SPOCK3: variants seen among roughly 807,000 people sequenced by gnomAD.
The protein encoded by SPOCK3 is testican-3.
A neutral mutation model predicts 56.6 loss-of-function variants in SPOCK3; 30 were observed. That is an observed-to-expected ratio of 0.53 (90% CI 0.40 to 0.72). The LOEUF is 0.72. Ranked by LOEUF, SPOCK3 falls within the 30% of genes least tolerant of loss-of-function variation. The pLI is 0.00. For synonymous variants in SPOCK3, 196 were observed against 183.3 expected (o/e 1.07, Z -0.56); for missense variants, 527 against 530.0 (o/e 0.99, Z 0.06).
At chr4:166,956,005 A>G (rs914517073) in intron 4 of SPOCK3, among the ~76,000 whole-genome samples, 1 of 151,992 alleles carries the variant, frequency 6.6e-6, no homozygotes, top group African/African-American at 2.4e-5. Context: ...GTACATTGTC[A>G]CTAACTCCAA....
At chr4:167,025,427 A>C (rs2150170307) in intron 3 of SPOCK3, among the ~76,000 whole-genome samples, 1 of 152,236 alleles carries the variant, frequency 6.6e-6, no homozygotes, top group East Asian at 1.9e-4. Context: ...GGCCTTAAAT[A>C]AAATAACGTG....
chr4:167,113,750 G>A (rs977910953), intron 2 of SPOCK3, among the ~76,000 whole-genome samples: 4 of 151,942 alleles, frequency 2.6e-5, no homozygotes, highest in Admixed American at 6.6e-5. Flanking sequence ...AAGAGGAAGC[G>A]GCATCTGTGG....
intron 4 of SPOCK3, among the ~76,000 whole-genome samples, chr4:166,965,498 T>C (rs937395117): frequency 6.6e-6 from 1 of 151,864 alleles, no homozygotes; most frequent in African/African-American, 2.4e-5. Flanking sequence ...ACTTTAAATG[T>C]GTCGTTCTAT....
At chr4:167,056,456 GAGA>G (rs1483916012) in intron 3 of SPOCK3, among the ~76,000 whole-genome samples, 2 of 152,220 alleles carry the variant, frequency 1.3e-5, no homozygotes, top group Non-Finnish European at 2.9e-5. Flanking sequence ...GACGAGCTGA[GAGA>G]AGAAGGCTTC....
intron 2 of SPOCK3, among the ~76,000 whole-genome samples, chr4:167,203,188 T>C (rs1733686286): frequency 6.6e-6 from 1 of 152,000 alleles, no homozygotes; most frequent in African/African-American, 2.4e-5. Context: ...GTAAGGCTTA[T>C]GAGTAGTATT....
intron 6 of SPOCK3, among the ~76,000 whole-genome samples, chr4:166,879,538 A>G (rs1346113596): frequency 6.6e-6 from 1 of 152,190 alleles, no homozygotes; most frequent in Non-Finnish European, 1.5e-5. Context: ...AAATATGTAC[A>G]TATTTTGAGA....
chr4:167,002,817 G>C (rs1295257116), intron 3 of SPOCK3, among the ~76,000 whole-genome samples: 1 of 152,112 alleles, frequency 6.6e-6, no homozygotes, highest in Non-Finnish European at 1.5e-5. Flanking sequence ...AAAGTGTTTT[G>C]AGCTATTTCT....
At chr4:166,904,615 T>C (rs1736417590) in intron 5 of SPOCK3, among the ~76,000 whole-genome samples, 1 of 152,036 alleles carries the variant, frequency 6.6e-6, no homozygotes, top group Non-Finnish European at 1.5e-5. Flanking sequence ...CACAGGAAGA[T>C]AAATACCACA....
intron 3 of SPOCK3, among the ~76,000 whole-genome samples, chr4:167,012,661 A>C (rs1221226764): frequency 5.9e-5 from 9 of 151,986 alleles, no homozygotes; most frequent in African/African-American, 1.9e-4. Flanking sequence ...GAAATAATGC[A>C]ATCAGTACAT....
chr4:166,953,449 G>T (rs1742956363), intron 4 of SPOCK3, among the ~76,000 whole-genome samples: 1 of 151,246 alleles, frequency 6.6e-6, no homozygotes, highest in Non-Finnish European at 1.5e-5. Flanking sequence ...GTGCTGGAGA[G>T]GATGTGGAGA....
intron 4 of SPOCK3, among the ~76,000 whole-genome samples, chr4:166,955,364 C>T (rs200624426): frequency 6.6e-6 from 1 of 150,554 alleles, no homozygotes; most frequent in African/African-American, 2.4e-5. Context: ...GTAACTACCA[C>T]AGATTAAACA....
chr4:166,999,370 A>G (rs1748721808), intron 4 of SPOCK3, among the ~76,000 whole-genome samples: 1 of 152,160 alleles, frequency 6.6e-6, no homozygotes, highest in Non-Finnish European at 1.5e-5. Flanking sequence ...ACATTATGAG[A>G]AACATCAATG....
intron 4 of SPOCK3, among the ~76,000 whole-genome samples, chr4:166,923,604 T>C (rs186137889): frequency 6.6e-6 from 1 of 152,278 alleles, no homozygotes; most frequent in East Asian, 1.9e-4. Context: ...AAACGTATGG[T>C]CCATGATGAT....
chr4:166,763,562 T>C (rs1737535209), intron 7 of SPOCK3, among the ~76,000 whole-genome samples: 2 of 152,152 alleles, frequency 1.3e-5, no homozygotes, highest in Non-Finnish European at 2.9e-5. Context: ...AGCTAATGAA[T>C]TGTTTAGAGC....
intron 4 of SPOCK3, among the ~76,000 whole-genome samples, chr4:166,976,003 A>T (rs1450991884): frequency 6.6e-6 from 1 of 152,010 alleles, no homozygotes; most frequent in Non-Finnish European, 1.5e-5. Context: ...TTTTCAATAG[A>T]CTTCCTTTCT....
intron 6 of SPOCK3, among the ~76,000 whole-genome samples, chr4:166,856,304 G>T (rs780454663): frequency 1.3e-5 from 2 of 152,054 alleles, no homozygotes; most frequent in East Asian, 3.9e-4. Flanking sequence ...TAATAATAAT[G>T]TTTTGTATAT....
intron 4 of SPOCK3, among the ~76,000 whole-genome samples, chr4:166,915,170 C>G (rs1737712084): frequency 6.6e-6 from 1 of 152,052 alleles, no homozygotes; most frequent in South Asian, 2.1e-4. Flanking sequence ...CACTATTCAT[C>G]ATGGGAGAGA....
chr4:166,911,026 G>C (rs1355236743), intron 5 of SPOCK3, among the ~76,000 whole-genome samples: 1 of 152,082 alleles, frequency 6.6e-6, no homozygotes. Context: ...ATATGAGATA[G>C]ATTCACTCTC....
Position 167,000,286 on chromosome 4 carries a change from T to G in SPOCK3, c.350+63A>C. On this transcript the variant is annotated intron_variant, in intron 4 of 10. Coordinates refer to ENST00000357545, the MANE Select transcript of SPOCK3 (RefSeq NM_001040159.2). ...AGCAGGCACTGCCAAATATTTATAC[T>G]CTGCAGTTATTCCTGGTAAGGAGCG... 3 of 764,316 alleles carry G rather than the reference T, an allele frequency of 3.9e-6. No homozygotes were observed. The South Asian group carries it at 5.5e-5, about 14-fold the overall frequency. 47.3% of individuals were successfully genotyped at this position (764,316 alleles called of 1,614,324 possible).
Sources: gnomAD v4.1 joint callset for allele counts (sites outside exome capture counted in the v4.1 genomes callset) on GRCh38, gnomAD v4.1.1 for gene constraint, MANE v1.5 for transcripts, NCBI Gene and HGNC (gene_info 2026-07-23, HGNC 2026-07-21) for gene names.